HABP2: variants seen among roughly 807,000 people sequenced by gnomAD.
The protein encoded by HABP2 is factor VII-activating protease.
HABP2 carries 65 observed loss-of-function variants against 66.5 expected under a neutral mutation model. That is an observed-to-expected ratio of 0.98 (90% CI 0.80 to 1.20). The LOEUF is 1.20. HABP2 is among the 50% of genes most tolerant of loss of function. The pLI is 0.00. For missense variants in HABP2, 786 were observed against 691.0 expected (o/e 1.14, Z -1.54); for synonymous variants, 263 against 253.9 (o/e 1.04, Z -0.34).
At chr10:113,577,824 G>A (rs1196790797) in intron 5 of HABP2, among the ~76,000 whole-genome samples, 1 of 152,208 alleles carries the variant, frequency 6.6e-6, no homozygotes, top group African/African-American at 2.4e-5. Flanking sequence ...CAGCCAGATT[G>A]CTTCATCCAC....
At chr10:113,574,919 T>C (rs1044200894) in intron 3 of HABP2, among the ~76,000 whole-genome samples, 1 of 152,140 alleles carries the variant, frequency 6.6e-6, no homozygotes, top group African/African-American at 2.4e-5. Flanking sequence ...CTTTCCACAA[T>C]TGTTAGATTG....
At chr10:113,553,316 A>G in intron 1 of HABP2, 126 bp downstream of exon 1, 2 of 717,228 alleles carry the variant, frequency 2.8e-6, no homozygotes, top group Non-Finnish European at 5.0e-6. Context: ...GAGATGTTCT[A>G]ACTACAAGAA....
chr10:113,588,313 G>A lies in HABP2; in HGVS notation c.1627G>A (p.Val543Ile). 6.2e-7 allele frequency: 1 copy of A among 1,613,802 alleles called. No homozygotes were observed. The highest frequency in any genetic ancestry group is 8.5e-7 in the Non-Finnish European group (1 of 1,179,796). Residue 543 changes from valine to isoleucine, a missense_variant, in exon 13 of 13, where the codon GTT becomes ATT. Val to Ile is a conservative substitution (Grantham distance 29). Coordinates refer to ENST00000351270, the MANE Select transcript of HABP2 (RefSeq NM_004132.5). ...CGKRPGVYTQ[V>I]TKFLNWIKAT... is the part of the protein sequence containing the mutation. ...GAAGAGGCCAGGGGTCTACACCCAA[G>A]TTACCAAATTCCTGAATTGGATCAA...
In HABP2 at chr10:113,578,126, G is replaced by A. The variant is rs1400975279; in HGVS notation, c.549G>A (p.Lys183=). 1.9e-6 allele frequency: 3 copies of A among 1,614,164 alleles called. No homozygotes were observed. The Admixed American group carries it at 5.0e-5, about 27-fold the overall frequency. The change falls in exon 6 of 13, where the codon AAG becomes AAA. Residue 183 remains lysine, a synonymous_variant. Transcript: ENST00000351270. ...KFTCACPDQF[K]GKFCEIGSDD... The stretch of plus-strand genomic sequence containing the variant: ...CCTGTGCCTGTCCCGACCAGTTCAA[G>A]GGGAAATTCTGTGAAATAGGTATGG...
Position 113,577,264 on chromosome 10 carries a change from A to G in HABP2, c.446A>G (p.Gln149Arg). ...CCTTACACAGGTCCCAGCTGCTCCCAAGGTAAGTGGTGGAGGCCCCTTCGA... is the reference window on the plus strand; with the variant it reads ...CCTTACACAGGTCCCAGCTGCTCCCGAGGTAAGTGGTGGAGGCCCCTTCGA... ...KHPYTGPSCS[Q>R]VVPVCRPNPC... The change falls in exon 5 of 13, where the codon CAA (glutamine) becomes CGA (arginine). Residue 149 changes from glutamine to arginine, a missense_variant and splice_region_variant. By Grantham distance (43) the Gln-to-Arg change is conservative. Coordinates refer to ENST00000351270, the MANE Select transcript of HABP2 (RefSeq NM_004132.5). 1.3e-6 allele frequency: 2 copies of G among 1,543,740 alleles called. No individual in the cohort carries two copies. Among genetic ancestry groups the G allele is most frequent in the Non-Finnish European group, 1.8e-6 (2 of 1,115,852 alleles).
At chr10:113,580,170 G>A (rs1291602203) in intron 7 of HABP2, among the ~76,000 whole-genome samples, 1 of 143,534 alleles carries the variant, frequency 7.0e-6, no homozygotes, top group Non-Finnish European at 1.5e-5. Context: ...TCGGGGGCGG[G>A]GGGAGGGGGG....
chr10:113,568,320 A>G (rs573435981), intron 2 of HABP2, among the ~76,000 whole-genome samples: 3 of 152,364 alleles, frequency 2.0e-5, no homozygotes, highest in South Asian at 4.1e-4. Flanking sequence ...ACAGAGCGCC[A>G]TAGCCAGGCA....
chr10:113,588,411 C>A lies in HABP2; in HGVS notation c.*42C>A. ...CCTCAGAGCCCACTCTCCTTGGCAC[C>A]CTGACACCGGGAGGCCTCATGGCCA... On this transcript the variant is annotated 3_prime_UTR_variant, in exon 13 of 13. Transcript: ENST00000351270. 1.3e-6 allele frequency: 2 copies of A among 1,534,120 alleles called. No homozygotes were observed. Among genetic ancestry groups the A allele is most frequent in the Non-Finnish European group, 1.8e-6 (2 of 1,126,484 alleles).
chr10:113,585,745 A>G (rs770210628), intron 11 of HABP2, 48 bp from the exon 12 acceptor site: 70 of 1,526,808 alleles, frequency 4.6e-5, no homozygotes, highest in Middle Eastern at 1.8e-4. Flanking sequence ...GGTTGGTGCC[A>G]CCCTGGTCCC....
At chr10:113,581,753 T>C in intron 8 of HABP2, 123 bp from the exon 9 acceptor site, 1 of 880,052 alleles carries the variant, frequency 1.1e-6, no homozygotes, top group Non-Finnish European at 1.8e-6. Flanking sequence ...TCTGCACCAG[T>C]GCAGTCTCTC....
chr10:113,565,592 A>G (rs946105997), intron 1 of HABP2, among the ~76,000 whole-genome samples: 22 of 152,206 alleles, frequency 1.4e-4, no homozygotes, highest in Admixed American at 1.3e-4. Context: ...TTTGTAATGG[A>G]TCCACCCCTA....
At chr10:113,557,596 GC>G (rs1565095533) in intron 1 of HABP2, among the ~76,000 whole-genome samples, 1 of 152,084 alleles carries the variant, frequency 6.6e-6, no homozygotes, top group South Asian at 2.1e-4. Context: ...AAAATGGTTG[GC>G]GGGGAGGGGG....
intron 9 of HABP2, 46 bp from the exon 10 acceptor site, chr10:113,583,170 C>T (rs777488249): frequency 1.5e-5 from 24 of 1,595,632 alleles, no homozygotes; most frequent in African/African-American, 1.3e-5. Context: ...GGCCACACAG[C>T]TGAGCAGAAA....
chr10:113,554,513 C>A (rs1433124805), intron 1 of HABP2, among the ~76,000 whole-genome samples: 7 of 152,138 alleles, frequency 4.6e-5, no homozygotes, highest in African/African-American at 1.2e-4. Flanking sequence ...GTTTTCTTTT[C>A]AAATCATGAC....
At chr10:113,564,513 C>T (rs1227679917) in intron 1 of HABP2, among the ~76,000 whole-genome samples, 2 of 152,174 alleles carry the variant, frequency 1.3e-5, no homozygotes, top group African/African-American at 4.8e-5. Context: ...ACACCTGTCC[C>T]ATCTCACTGC....
chr10:113,560,717 T>A (rs548432867), intron 1 of HABP2, among the ~76,000 whole-genome samples: 1 of 152,332 alleles, frequency 6.6e-6, no homozygotes, highest in South Asian at 2.1e-4. Flanking sequence ...TGATACATGC[T>A]ACCTAGAAGA....
intron 2 of HABP2, among the ~76,000 whole-genome samples, chr10:113,571,192 C>G (rs996517652): frequency 6.6e-6 from 1 of 152,204 alleles, no homozygotes; most frequent in African/African-American, 2.4e-5. Context: ...GGCAGTTCTT[C>G]TGGGCTGCAT....
rs112843068 is a variant in HABP2, at chr10:113,589,523, T to G, written c.*1154T>G. ...GCCTGGTCATCTCAGACCCATGAAA[T>G]TAGGCGCCTTGTTTGAGCTGCGTTT... On this transcript the variant is annotated 3_prime_UTR_variant, in exon 13 of 13. Coordinates refer to ENST00000351270, the MANE Select transcript of HABP2 (RefSeq NM_004132.5). 2.9e-5 allele frequency: 27 copies of G among 946,382 alleles called. No individual in the cohort carries two copies. Among genetic ancestry groups the G allele is most frequent in the Non-Finnish European group, 4.1e-5 (26 of 636,088 alleles). The allele number at this position is 946,382 out of a possible 1,614,324, so 58.6% of individuals were successfully genotyped here.
chr10:113,578,301 T>G (rs1454418042), intron 6 of HABP2, among the ~76,000 whole-genome samples, 156 bp downstream of exon 6: 1 of 152,176 alleles, frequency 6.6e-6, no homozygotes, highest in Non-Finnish European at 1.5e-5. Flanking sequence ...TCTGGCTTCC[T>G]GTAAAGAAAG....
Sources: allele counts gnomAD v4.1 joint callset (sites outside exome capture counted in the v4.1 genomes callset), GRCh38; gene constraint gnomAD v4.1.1; transcripts MANE v1.5; gene names NCBI Gene and HGNC (gene_info 2026-07-23, HGNC 2026-07-21).